Variants in ASXL3 observed in about 807,000 individuals in gnomAD.
ASXL3 encodes the protein ASXL transcriptional regulator 3.
ASXL3 carries 34 observed loss-of-function variants against 170.6 expected under a neutral mutation model. The observed-to-expected ratio is 0.20, with a 90% confidence interval of 0.15 to 0.27. The LOEUF (loss-of-function observed/expected upper bound fraction) is 0.27, where lower values mean the gene tolerates loss of function less well. Among genes scored for constraint, ASXL3 ranks in the 10% least tolerant of loss-of-function variants. ASXL3 has a pLI of 1.00. For synonymous variants in ASXL3, 1,002 were observed against 989.1 expected (o/e 1.01, Z -0.24); for missense variants, 2,592 against 2,695.3 (o/e 0.96, Z 0.85).
At chr18:33,648,779 A>T (rs1420962798) in intron 4 of ASXL3, among the ~76,000 whole-genome samples, 1 of 152,122 alleles carries the variant, frequency 6.6e-6, no homozygotes, top group African/African-American at 2.4e-5. Context: ...TGAGACTGAA[A>T]GTAAATGGAC....
intron 2 of ASXL3, among the ~76,000 whole-genome samples, chr18:33,631,820 G>A (rs972046337): frequency 8.6e-5 from 13 of 152,022 alleles, no homozygotes; most frequent in African/African-American, 2.9e-4. Context: ...ATATAGCCAG[G>A]TTGAAGACCA....
chr18:33,645,033 A>T lies in ASXL3; in HGVS notation c.246+31A>T, dbSNP rs759138549. On this transcript the variant is annotated intron_variant, in intron 3 of 11. Coordinates refer to ENST00000269197, the MANE Select transcript of ASXL3 (RefSeq NM_030632.3). ...TTGCATTGTTCTGCATATTGTTATT[A>T]CTATTATCATGCATTTTTTCAGACA... The T allele has an allele frequency of 3.6e-6, 5 of 1,396,076 alleles. No homozygotes were observed. In the African/African-American group the frequency reaches 4.3e-5, roughly 12 times the overall value. 86.5% of individuals were successfully genotyped at this position (1,396,076 alleles called of 1,614,324 possible). A position where few individuals can be genotyped will look rare whatever the true frequency, so the allele number is the denominator to read the frequency against.
intron 8 of ASXL3, among the ~76,000 whole-genome samples, chr18:33,703,847 G>A (rs2066918130): frequency 6.6e-6 from 1 of 151,966 alleles, no homozygotes; most frequent in Admixed American, 6.6e-5. Flanking sequence ...TGCTCTTAGG[G>A]CAAATTCCAG....
intron 8 of ASXL3, among the ~76,000 whole-genome samples, chr18:33,687,937 G>C (rs1458771605): frequency 1.3e-5 from 2 of 152,062 alleles, no homozygotes; most frequent in Non-Finnish European, 2.9e-5. Flanking sequence ...TATTATTGAA[G>C]GACCATTTCA....
chr18:33,635,657 A>G (rs1264475636), intron 2 of ASXL3, among the ~76,000 whole-genome samples: 2 of 152,196 alleles, frequency 1.3e-5, no homozygotes, highest in African/African-American at 2.4e-5. Context: ...AATCAATCCT[A>G]TTTTATCGAT....
At chr18:33,601,198 T>C (rs1176631905) in intron 1 of ASXL3, among the ~76,000 whole-genome samples, 2 of 152,060 alleles carry the variant, frequency 1.3e-5, no homozygotes. Context: ...TTAATTCCTA[T>C]GATTTTCTGG....
intron 2 of ASXL3, among the ~76,000 whole-genome samples, chr18:33,639,944 G>T (rs969867793): frequency 6.6e-6 from 1 of 152,130 alleles, no homozygotes; most frequent in Non-Finnish European, 1.5e-5. Context: ...TAAAAAGAGT[G>T]CCAATACTGC....
intron 4 of ASXL3, among the ~76,000 whole-genome samples, chr18:33,651,655 A>G (rs1386863100): frequency 6.6e-6 from 1 of 152,158 alleles, no homozygotes; most frequent in Non-Finnish European, 1.5e-5. Context: ...ATTGACAACT[A>G]TTTATTGACA....
At chr18:33,582,127 C>T (rs1484876036) in intron 1 of ASXL3, among the ~76,000 whole-genome samples, 1 of 152,130 alleles carries the variant, frequency 6.6e-6, no homozygotes, top group African/African-American at 2.4e-5. Flanking sequence ...CAGAGGATCC[C>T]ACAATCACAT....
rs2066326964 is a variant in ASXL3, at chr18:33,670,718, G to C, written c.523G>C (p.Val175Leu). 2 of 1,572,108 alleles carry C rather than the reference G, an allele frequency of 1.3e-6. No homozygotes were observed. The highest frequency in any genetic ancestry group is 1.7e-6 in the Non-Finnish European group (2 of 1,157,526). The change falls in exon 6 of 12, where the codon GTA becomes CTA. Residue 175 changes from valine (V) to leucine (L), a missense_variant. Val to Leu is a conservative substitution (Grantham distance 32, BLOSUM62 1). Coordinates refer to ENST00000269197, the MANE Select transcript of ASXL3 (RefSeq NM_030632.3). ...AAGAAGAAATGGAGTCTCAATGATGGTAAACAAGACTGTTCCTCGTGTTGT... is the reference window on the plus strand; with the variant it reads ...AAGAAGAAATGGAGTCTCAATGATGCTAAACAAGACTGTTCCTCGTGTTGT... ...QKRRNGVSMM[V>L]NKTVPRVVLT... is the part of the protein sequence containing the mutation.
chr18:33,625,924 A>G (rs961370324), intron 2 of ASXL3: 6 of 152,170 alleles, frequency 3.9e-5, no homozygotes, highest in African/African-American at 1.2e-4. Context: ...TACATAGAAA[A>G]TAATGCTGCA....
intron 2 of ASXL3, among the ~76,000 whole-genome samples, chr18:33,618,839 T>G (rs1478989537): frequency 6.6e-6 from 1 of 152,168 alleles, no homozygotes; most frequent in Non-Finnish European, 1.5e-5. Context: ...GTATATGATA[T>G]TCCAACATGT....
At chr18:33,591,638 CT>C (rs370020953) in intron 1 of ASXL3, among the ~76,000 whole-genome samples, 24,631 of 141,240 alleles carry the variant, frequency 0.17, 3,437 homozygotes, top group African/African-American at 0.43. Context: ...AATGACACTA[CT>C]TTTTTTTTTT....
rs567623692 is a variant in ASXL3, at chr18:33,749,072, C to G, written c.*2477C>G. The G allele has an allele frequency of 2.5e-5, 3 of 118,682 alleles. No homozygotes were observed. Among genetic ancestry groups the G allele is most frequent in the Non-Finnish European group, 4.8e-5 (3 of 62,176 alleles). 7.4% of individuals were successfully genotyped at this position (118,682 alleles called of 1,614,324 possible). On this transcript the variant is annotated 3_prime_UTR_variant, in exon 12 of 12. Coordinates refer to ENST00000269197, the MANE Select transcript of ASXL3 (RefSeq NM_030632.3). Reference sequence around the variant, plus strand: ...AGGTCCGATTAGCATAATTTTTCTGCGCCCTTTTTTTTTTTTTTTTTGCTC... The same window carrying G: ...AGGTCCGATTAGCATAATTTTTCTGGGCCCTTTTTTTTTTTTTTTTTGCTC...
In ASXL3 at chr18:33,695,734, C is replaced by T. The variant is rs2066764124; in HGVS notation, c.879+12166C>T. ...AACCTGAATAACATACTATTCTGTG[C>T]ATTAAGCCACTTTCTTTCTCTTTTG... On this transcript the variant is annotated intron_variant, in intron 8 of 11. Transcript: ENST00000269197. Among the ~76,000 whole-genome samples the T allele has an allele frequency of 2.6e-5, 4 of 152,200 alleles. No individual in the cohort carries two copies. In the South Asian group the frequency reaches 8.3e-4, roughly 32 times the overall value.
chr18:33,732,821 A>G (rs62091161), intron 9 of ASXL3, among the ~76,000 whole-genome samples: 13,866 of 150,690 alleles, frequency 0.092, 820 homozygotes, highest in Non-Finnish European at 0.13. Flanking sequence ...TGATCATGCT[A>G]CTGCACTCTA....
intron 4 of ASXL3, among the ~76,000 whole-genome samples, chr18:33,650,178 A>C (rs948010279): frequency 6.6e-6 from 1 of 152,176 alleles, no homozygotes; most frequent in Non-Finnish European, 1.5e-5. Context: ...TAACATTGAC[A>C]AGATGTCATA....
chr18:33,637,599 T>G (rs2065787442), intron 2 of ASXL3, among the ~76,000 whole-genome samples: 1 of 152,192 alleles, frequency 6.6e-6, no homozygotes, highest in Non-Finnish European at 1.5e-5. Flanking sequence ...ATAATTACAA[T>G]GTCTGTTCTT....
rs1199230773 is a variant in ASXL3 at position 33,742,928 on chromosome 18, G to A, written c.3080G>A (p.Ser1027Asn). 6.2e-6 allele frequency: 10 copies of A among 1,606,970 alleles called. No individual in the cohort carries two copies. The highest frequency in any genetic ancestry group is 5.1e-6 in the Non-Finnish European group (6 of 1,178,046). ...SKIGPPFIIKSQPVSKPESRA... is the reference protein window; with the variant it reads ...SKIGPPFIIKNQPVSKPESRA... Reference sequence around the variant, plus strand: ...ATTGGGCCACCTTTTATAATCAAGAGCCAACCAGTCTCCAAACCTGAGTCT... The same window carrying A: ...ATTGGGCCACCTTTTATAATCAAGAACCAACCAGTCTCCAAACCTGAGTCT... Residue 1027 changes from serine to asparagine, a missense_variant, in exon 12 of 12, where the codon AGC (serine) becomes AAC (asparagine). Ser to Asn is a conservative substitution (Grantham distance 46). Coordinates refer to ENST00000269197, the MANE Select transcript of ASXL3 (RefSeq NM_030632.3).
Sources: gnomAD v4.1 joint callset for allele counts (sites outside exome capture counted in the v4.1 genomes callset) on GRCh38, gnomAD v4.1.1 for gene constraint, MANE v1.5 for transcripts, NCBI Gene and HGNC (gene_info 2026-07-23, HGNC 2026-07-21) for gene names.